FBXO42: variants seen among roughly 807,000 people sequenced by gnomAD.
FBXO42 encodes the protein F-box protein 42, also known as F-box only protein 42.
A neutral mutation model predicts 71.7 loss-of-function variants in FBXO42; 12 were observed. The ratio of observed to expected loss-of-function variants is 0.17; its 90% CI spans 0.11 to 0.27. The LOEUF (loss-of-function observed/expected upper bound fraction) is 0.27. Ranked by LOEUF, FBXO42 falls within the 10% of genes least tolerant of loss-of-function variation. FBXO42 has a pLI of 1.00. For missense variants in FBXO42, 707 were observed against 911.9 expected (o/e 0.78, Z 2.89); for synonymous variants, 325 against 327.5 (o/e 0.99, Z 0.08).
At chr1:16,341,162 AG>A (rs1037707677) in intron 1 of FBXO42, among the ~76,000 whole-genome samples, 1 of 152,216 alleles carries the variant, frequency 6.6e-6, no homozygotes, top group African/African-American at 2.4e-5. Flanking sequence ...TTTGCATAAG[AG>A]AAAAAAAGAA....
chr1:16,308,222 C>T (rs973029012), intron 2 of FBXO42, among the ~76,000 whole-genome samples: 3 of 152,076 alleles, frequency 2.0e-5, no homozygotes, highest in African/African-American at 7.3e-5. Context: ...CTCAAGTGTT[C>T]CTCCCATCTC....
chr1:16,345,122 A>C (rs951761112), intron 1 of FBXO42, among the ~76,000 whole-genome samples: 1 of 151,856 alleles, frequency 6.6e-6, no homozygotes, highest in Non-Finnish European at 1.5e-5. Context: ...CAACAAAAAA[A>C]CATATATATA....
intron 4 of FBXO42, among the ~76,000 whole-genome samples, chr1:16,268,878 G>T (rs994287403): frequency 1.3e-5 from 2 of 150,656 alleles, no homozygotes; most frequent in South Asian, 4.2e-4. Context: ...CCAGCTACTC[G>T]GGAGGCTGAG....
intron 4 of FBXO42, among the ~76,000 whole-genome samples, chr1:16,276,868 C>T (rs1194501951): frequency 6.6e-6 from 1 of 152,166 alleles, no homozygotes; most frequent in Non-Finnish European, 1.5e-5. Flanking sequence ...GCTGAGAATT[C>T]TAAGAAATGT....
intron 1 of FBXO42, among the ~76,000 whole-genome samples, chr1:16,343,227 T>C (rs1026361245): frequency 1.3e-5 from 2 of 152,160 alleles, no homozygotes; most frequent in African/African-American, 2.4e-5. Context: ...TGGATCCTGA[T>C]GGATAAAAAA....
chr1:16,288,983 A>G (rs1361392503), intron 4 of FBXO42, among the ~76,000 whole-genome samples: 1 of 151,554 alleles, frequency 6.6e-6, no homozygotes, highest in Admixed American at 6.6e-5. Context: ...AAGTTTTGTC[A>G]GTTTCTTACT....
rs369815338 is a variant in FBXO42, at chr1:16,302,050, C to T, written c.367+3753G>A. ...AAGGCCTTTCCTTTTTAGCATGCAG[C>T]CTCTCTCACACAGATAATAATGGCA... On this transcript the variant is annotated intron_variant, in intron 3 of 9. Transcript: ENST00000375592. Among the ~76,000 whole-genome samples, 4 of 152,142 alleles carry T rather than the reference C, an allele frequency of 2.6e-5. No individual in the cohort carries two copies. In the East Asian group the frequency reaches 7.7e-4, roughly 29 times the overall value.
chr1:16,315,180 C>T lies in FBXO42; in HGVS notation c.239G>A (p.Arg80Gln). Residue 80 changes from arginine (R) to glutamine (Q), a missense_variant, in exon 2 of 10, where the codon CGA becomes CAA. Transcript: ENST00000375592. The part of the protein sequence containing the change: ...TAALVCKQWY[R>Q]LIKGVAHQCY... ...CCTATCCACAGTACCTTTGATAAGTCGATACCACTGTTTGCAGACAAGGGC... is the reference window on the plus strand; with the variant it reads ...CCTATCCACAGTACCTTTGATAAGTTGATACCACTGTTTGCAGACAAGGGC... 4 of 1,612,376 alleles carry T rather than the reference C, an allele frequency of 2.5e-6. No homozygotes were observed. Among genetic ancestry groups the T allele is most frequent in the South Asian group, 1.1e-5 (1 of 90,942 alleles).
intron 4 of FBXO42, among the ~76,000 whole-genome samples, chr1:16,282,123 A>G (rs1360107525): frequency 6.6e-6 from 1 of 150,768 alleles, no homozygotes; most frequent in Non-Finnish European, 1.5e-5. Flanking sequence ...AATAACACTG[A>G]GAGAGCTCAC....
chr1:16,251,620 G>C lies in FBXO42; in HGVS notation c.1204C>G (p.Pro402Ala), dbSNP rs193223563. The change falls in exon 10 of 10, where the codon CCT (proline) becomes GCT (alanine). Residue 402 changes from proline to alanine, a missense_variant. Physicochemically the swap from Pro to Ala is conservative, Grantham distance 27. This residue lies in a region of FBXO42 where 482 missense variants were observed against 587.1 expected (regional missense o/e 0.82). Transcript: ENST00000375592. This position sits in a 1 kb window ranked among gnomAD's most constrained non-coding sequence, Gnocchi z 4.5. ...GTTCCCCAGCGGCCGTTAACACAAGGAGCTTCATCCATGCTTCTTACTGGA... is the reference window on the plus strand; with the variant it reads ...GTTCCCCAGCGGCCGTTAACACAAGCAGCTTCATCCATGCTTCTTACTGGA... The part of the protein sequence containing the change: ...QSPVRSMDEA[P>A]CVNGRWGTLR... 1 of 1,614,192 alleles carries C rather than the reference G, an allele frequency of 6.2e-7. No individual in the cohort carries two copies. The highest frequency in any genetic ancestry group is 8.5e-7 in the Non-Finnish European group (1 of 1,180,044).
chr1:16,275,736 T>A (rs1184147423), intron 4 of FBXO42, among the ~76,000 whole-genome samples: 5 of 151,726 alleles, frequency 3.3e-5, no homozygotes, highest in Non-Finnish European at 7.4e-5. Flanking sequence ...AGGCCAGGAG[T>A]GGTTGCTCAT....
At chr1:16,345,531 T>C (rs1404777485) in intron 1 of FBXO42, among the ~76,000 whole-genome samples, 1 of 151,400 alleles carries the variant, frequency 6.6e-6, no homozygotes, top group African/African-American at 2.4e-5. Context: ...ACACAGATCC[T>C]GGTTTCTACT....
chr1:16,291,935 G>A (rs1380924443), intron 4 of FBXO42, among the ~76,000 whole-genome samples: 1 of 152,034 alleles, frequency 6.6e-6, no homozygotes, highest in Non-Finnish European at 1.5e-5. Context: ...GCCTCCTAAA[G>A]TGCTGGGATT....
chr1:16,313,049 C>T (rs1485180948), intron 2 of FBXO42, among the ~76,000 whole-genome samples: 1 of 152,002 alleles, frequency 6.6e-6, no homozygotes. Flanking sequence ...CCCACGTTGG[C>T]CTCCCAAAGT....
At chr1:16,313,858 C>T (rs550690675) in intron 2 of FBXO42, among the ~76,000 whole-genome samples, 1 of 152,170 alleles carries the variant, frequency 6.6e-6, no homozygotes, top group Admixed American at 6.6e-5. Flanking sequence ...GCCCTTTCCA[C>T]TTAAGATGCA....
intron 4 of FBXO42, chr1:16,294,447 C>T (rs2082109320): frequency 4.1e-6 from 1 of 242,484 alleles, no homozygotes; most frequent in Non-Finnish European, 8.2e-6. Flanking sequence ...CAGTCAACTA[C>T]AGTTCTCACG....
intron 1 of FBXO42, among the ~76,000 whole-genome samples, chr1:16,318,094 T>C (rs559278581): frequency 6.6e-6 from 1 of 152,254 alleles, no homozygotes; most frequent in African/African-American, 2.4e-5. Flanking sequence ...AAAAATTTAC[T>C]GAGCTGAATA....
intron 4 of FBXO42, among the ~76,000 whole-genome samples, chr1:16,270,092 G>A (rs888972597): frequency 3.9e-5 from 6 of 152,144 alleles, no homozygotes; most frequent in Admixed American, 1.3e-4. Context: ...CTGAGCTCAA[G>A]TGATCAGCCT....
intron 4 of FBXO42, among the ~76,000 whole-genome samples, chr1:16,260,373 T>G (rs2081698151): frequency 6.6e-6 from 1 of 152,038 alleles, no homozygotes; most frequent in African/African-American, 2.4e-5. Flanking sequence ...CACGCCCGGC[T>G]AATTTTTTGT....
Sources: gnomAD v4.1 joint callset for allele counts (sites outside exome capture counted in the v4.1 genomes callset) on GRCh38, gnomAD v4.1.1 for gene constraint, gnomAD v4.1.1 regional missense constraint, Gnocchi (gnomAD v3.1) non-coding constraint, MANE v1.5 for transcripts, NCBI Gene and HGNC (gene_info 2026-07-23, HGNC 2026-07-21) for gene names.